Variants in DCBLD2 observed in about 807,000 individuals in gnomAD.
DCBLD2 encodes discoidin, CUB and LCCL domain-containing protein 2.
A neutral mutation model predicts 86.8 loss-of-function variants in DCBLD2; 54 were observed. The ratio of observed to expected loss-of-function variants is 0.62; its 90% CI spans 0.50 to 0.78. The LOEUF is 0.78. Ranked by LOEUF, DCBLD2 falls within the 30% of genes least tolerant of loss-of-function variation. DCBLD2 has a pLI of 0.00. For synonymous variants in DCBLD2, 354 were observed against 341.3 expected, an observed-to-expected ratio of 1.04 and a Z score of -0.41; for missense variants, 908 against 954.2, an observed-to-expected ratio of 0.95 and a Z score of 0.64.
At chr3:98,858,515 C>CA (rs1252592868) in intron 2 of DCBLD2, among the ~76,000 whole-genome samples, 1 of 152,228 alleles carries the variant, frequency 6.6e-6, no homozygotes, top group Admixed American at 6.5e-5. Flanking sequence ...ATACACAAAG[C>CA]AATGGAACAA....
rs138324104 is a variant in DCBLD2, at chr3:98,883,398, T to C, written c.206-1631A>G. 5.9e-5 allele frequency among the ~76,000 whole-genome samples: 9 copies of C among 152,282 alleles called. No homozygotes were observed. The East Asian group carries it at 1.5e-3, about 26-fold the overall frequency. ...TCCCGCACACCTTATTTTTTCCCTA[T>C]AGAATAAGGAGAAGTAAAATTAAAG... On this transcript the variant is annotated intron_variant, in intron 1 of 15. Coordinates refer to ENST00000326840, the MANE Select transcript of DCBLD2 (RefSeq NM_080927.4).
rs368080576 is a variant in DCBLD2, at chr3:98,861,720, T to C, written c.434-12122A>G. Among the ~76,000 whole-genome samples the C allele has an allele frequency of 1.2e-4, 18 of 151,922 alleles. No individual in the cohort carries two copies. The East Asian group carries it at 2.3e-3, about 20-fold the overall frequency. On this transcript the variant is annotated intron_variant, in intron 2 of 15. Coordinates refer to ENST00000326840, the MANE Select transcript of DCBLD2 (RefSeq NM_080927.4). ...CATACCAGAATCTCTGGGACACATT[T>C]AAAGCAGTGTGTAGAGGGAAATTTA...
At chr3:98,867,285 A>C (rs949327141) in intron 2 of DCBLD2, among the ~76,000 whole-genome samples, 38 of 152,196 alleles carry the variant, frequency 2.5e-4, no homozygotes, top group Non-Finnish European at 5.6e-4. Flanking sequence ...TGAATCTATA[A>C]ATTACCTTGG....
intron 13 of DCBLD2, among the ~76,000 whole-genome samples, chr3:98,803,634 G>A (rs1231795331): frequency 6.6e-6 from 1 of 152,152 alleles, no homozygotes. Context: ...GTTTTCAAAG[G>A]CAATGCTTCC....
intron 1 of DCBLD2, among the ~76,000 whole-genome samples, chr3:98,887,894 A>C (rs541136131): frequency 7.9e-5 from 12 of 151,944 alleles, no homozygotes; most frequent in Non-Finnish European, 1.5e-4. Flanking sequence ...TACATTCTAT[A>C]GGTCTGGACA....
At chr3:98,809,047 A>G (rs1483441269) in intron 12 of DCBLD2, among the ~76,000 whole-genome samples, 1 of 152,086 alleles carries the variant, frequency 6.6e-6, no homozygotes, top group Non-Finnish European at 1.5e-5. Context: ...GAAGGTAACA[A>G]TGTGGTGTTA....
At chr3:98,850,348 A>C (rs1314002266) in intron 2 of DCBLD2, among the ~76,000 whole-genome samples, 1 of 152,144 alleles carries the variant, frequency 6.6e-6, no homozygotes. Flanking sequence ...AACAAACATA[A>C]ATAAATCACA....
At position 98,825,442 on chromosome 3, in the gene DCBLD2, T is replaced by A. The variant is rs1329181884; in HGVS notation, c.572-76A>T. The A allele has an allele frequency of 2.6e-6, 3 of 1,147,254 alleles. No homozygotes were observed. In the African/African-American group the frequency reaches 4.9e-5, roughly 19 times the overall value. 71.1% of individuals were successfully genotyped at this position (1,147,254 alleles called of 1,614,324 possible). A position where few individuals can be genotyped will look rare whatever the true frequency, so the allele number is the denominator to read the frequency against. Reference sequence around the variant, plus strand: ...TGCTGAAACTCCAAGTGTCTCAGAATCCCAAACTGTACTACTCTAATTTTC... The same window carrying A: ...TGCTGAAACTCCAAGTGTCTCAGAAACCCAAACTGTACTACTCTAATTTTC... On this transcript the variant is annotated intron_variant, in intron 3 of 15. Coordinates refer to ENST00000326840, the MANE Select transcript of DCBLD2 (RefSeq NM_080927.4).
intron 2 of DCBLD2, among the ~76,000 whole-genome samples, chr3:98,880,721 C>T (rs34489202): frequency 0.044 from 6,668 of 152,140 alleles, 229 homozygotes; most frequent in Non-Finnish European, 0.07. Flanking sequence ...TTTCTAAGCA[C>T]GTTACACATA....
At chr3:98,861,817 TA>T (rs2107498863) in intron 2 of DCBLD2, among the ~76,000 whole-genome samples, 1 of 151,808 alleles carries the variant, frequency 6.6e-6, no homozygotes. Context: ...TTAAAAGAAC[TA>T]GAGAAGCAAG....
chr3:98,836,291 T>C (rs1295962624), intron 3 of DCBLD2, among the ~76,000 whole-genome samples: 7 of 145,672 alleles, frequency 4.8e-5, no homozygotes, highest in African/African-American at 1.8e-4. Flanking sequence ...TTGTTTACAG[T>C]GGCAGAGGAG....
At chr3:98,853,160 C>A (rs755722803) in intron 2 of DCBLD2, among the ~76,000 whole-genome samples, 10 of 152,116 alleles carry the variant, frequency 6.6e-5, no homozygotes, top group Non-Finnish European at 1.5e-4. Context: ...GGTATGGAGG[C>A]GAAGTTAGAA....
At chr3:98,836,623 G>A (rs1438901800) in intron 3 of DCBLD2, among the ~76,000 whole-genome samples, 30 of 133,812 alleles carry the variant, frequency 2.2e-4, no homozygotes, top group Non-Finnish European at 3.0e-4. Flanking sequence ...CCTCCCAGAC[G>A]GGGCGGCTGG....
chr3:98,800,785 G>A (rs751091871), intron 14 of DCBLD2, 69 bp from the exon 15 acceptor site: 1 of 1,586,800 alleles, frequency 6.3e-7, no homozygotes, highest in East Asian at 2.3e-5. Context: ...AGTATCAAGA[G>A]AAAAATCCTG....
chr3:98,862,962 T>A (rs949125770), intron 2 of DCBLD2, among the ~76,000 whole-genome samples: 2 of 152,118 alleles, frequency 1.3e-5, no homozygotes, highest in Non-Finnish European at 2.9e-5. Flanking sequence ...GATTGTATAT[T>A]TAGAAAACCC....
chr3:98,850,890 A>G (rs1320568036), intron 2 of DCBLD2, among the ~76,000 whole-genome samples: 1 of 152,210 alleles, frequency 6.6e-6, no homozygotes, highest in Admixed American at 6.5e-5. Context: ...TAGCATCAAA[A>G]AAGTTAAAAA....
rs1001150176 is a variant in DCBLD2 at position 98,797,183 on chromosome 3, T to G, written c.*2189A>C. 1 of 151,934 alleles carries G rather than the reference T, an allele frequency of 6.6e-6. No homozygotes were observed. The highest frequency in any genetic ancestry group is 2.4e-5 in the African/African-American group (1 of 41,354). 9.4% of individuals were successfully genotyped at this position (151,934 alleles called of 1,614,324 possible). A position where few individuals can be genotyped will look rare whatever the true frequency, so the allele number is the denominator to read the frequency against. The stretch of plus-strand genomic sequence containing the variant: ...ATAAAAGTAGTAAAAACTAGATATT[T>G]TATAAAAATTATTGGTAGTTCAAGG... On this transcript the variant is annotated 3_prime_UTR_variant, in exon 16 of 16. Transcript: ENST00000326840.
intron 13 of DCBLD2, among the ~76,000 whole-genome samples, chr3:98,803,952 T>A (rs1269997986): frequency 6.6e-6 from 1 of 152,200 alleles, no homozygotes; most frequent in Non-Finnish European, 1.5e-5. Flanking sequence ...TTTGCCAGTA[T>A]TTTACTGAGG....
At chr3:98,860,618 C>T (rs1195153844) in intron 2 of DCBLD2, among the ~76,000 whole-genome samples, 1 of 152,136 alleles carries the variant, frequency 6.6e-6, no homozygotes, top group Non-Finnish European at 1.5e-5. Flanking sequence ...CATATCCAGC[C>T]AAACTAAGCT....
Sources: allele counts gnomAD v4.1 joint callset (sites outside exome capture counted in the v4.1 genomes callset), GRCh38; gene constraint gnomAD v4.1.1; transcripts MANE v1.5; gene names NCBI Gene and HGNC (gene_info 2026-07-23, HGNC 2026-07-21).